ACOXL: variants seen among roughly 807,000 people sequenced by gnomAD.
ACOXL encodes acyl-CoA oxidase like, also known as acyl-coenzyme A oxidase-like protein.
ACOXL carries 70 observed loss-of-function variants against 71.9 expected under a neutral mutation model. That is an observed-to-expected ratio of 0.97 (90% CI 0.80 to 1.19). The LOEUF (loss-of-function observed/expected upper bound fraction) is 1.19, where lower values mean the gene tolerates loss of function less well. ACOXL is among the 50% of genes most tolerant of loss of function. The pLI, the probability that ACOXL is intolerant of heterozygous loss-of-function variation, is 0.00. For missense variants in ACOXL, 703 were observed against 736.3 expected (o/e 0.95, Z 0.52); for synonymous variants, 253 against 281.6 (o/e 0.90, Z 1.02).
intron 9 of ACOXL, among the ~76,000 whole-genome samples, chr2:110,823,584 A>G (rs1320968600): frequency 6.6e-6 from 1 of 152,206 alleles, no homozygotes; most frequent in Non-Finnish European, 1.5e-5. Flanking sequence ...TTCACCAGCA[A>G]TTAATGAGAG....
chr2:111,097,140 T>A lies in ACOXL; in HGVS notation c.1542+4174T>A, dbSNP rs72836337. On this transcript the variant is annotated intron_variant, in intron 17 of 17. Coordinates refer to ENST00000439055, the MANE Select transcript of ACOXL (RefSeq NM_001142807.4). ...TCTGGGTTCCCATTTTCCTATAAATTTTGGCTTTATTGTTTTGTCAGATCA... is the reference window on the plus strand; with the variant it reads ...TCTGGGTTCCCATTTTCCTATAAATATTGGCTTTATTGTTTTGTCAGATCA... Among the ~76,000 whole-genome samples the A allele has an allele frequency of 3.1e-3, 468 of 152,320 alleles. 3 individuals are homozygous for A. The highest frequency in any genetic ancestry group is 5.6e-3 in the Non-Finnish European group (379 of 68,030).
Position 110,864,079 on chromosome 2 carries a change from G to A in ACOXL, c.788+22674G>A, listed in dbSNP as rs187143995. ...ACACTATGCTTAGAAGAGCCCCTGA[G>A]TATATATACCCTGTTGACTCTGCAC... On this transcript the variant is annotated intron_variant, in intron 10 of 17. Coordinates refer to ENST00000439055, the MANE Select transcript of ACOXL (RefSeq NM_001142807.4). 5.3e-5 allele frequency among the ~76,000 whole-genome samples: 8 copies of A among 152,054 alleles called. No homozygotes were observed. In the East Asian group the frequency reaches 1.4e-3, roughly 26 times the overall value.
intron 10 of ACOXL, among the ~76,000 whole-genome samples, chr2:110,842,128 CG>C (rs2105761165): frequency 6.6e-6 from 1 of 152,208 alleles, no homozygotes; most frequent in Admixed American, 6.5e-5. Context: ...CACCTGATTT[CG>C]AAAGAAGTTT....
Position 110,738,141 on chromosome 2 carries a change from T to C in ACOXL, c.-23+5367T>C, listed in dbSNP as rs1368174540. Reference sequence around the variant, plus strand: ...ATTGCTATGAGGAAGTCCAAGCTGATGCCTGTTGAGAGGCTGCATAGAGAG... The same window carrying C: ...ATTGCTATGAGGAAGTCCAAGCTGACGCCTGTTGAGAGGCTGCATAGAGAG... On this transcript the variant is annotated intron_variant, in intron 1 of 17. Coordinates refer to ENST00000439055, the MANE Select transcript of ACOXL (RefSeq NM_001142807.4). 2.0e-5 allele frequency among the ~76,000 whole-genome samples: 3 copies of C among 152,334 alleles called. No homozygotes were observed. In the South Asian group the frequency reaches 6.2e-4, roughly 32 times the overall value.
At chr2:110,739,604 T>A (rs752364436) in intron 1 of ACOXL, among the ~76,000 whole-genome samples, 4 of 152,246 alleles carry the variant, frequency 2.6e-5, no homozygotes, top group Non-Finnish European at 5.9e-5. Context: ...GGCTCCAGTG[T>A]TCCCCATGTG....
At chr2:110,753,427 G>A (rs1265422499) in intron 1 of ACOXL, among the ~76,000 whole-genome samples, 1 of 152,146 alleles carries the variant, frequency 6.6e-6, no homozygotes, top group Non-Finnish European at 1.5e-5. Context: ...CTCTCCAGGT[G>A]GACTATTTAT....
chr2:110,801,015 T>G (rs1301289257), intron 7 of ACOXL, among the ~76,000 whole-genome samples: 1 of 152,194 alleles, frequency 6.6e-6, no homozygotes, highest in East Asian at 1.9e-4. Flanking sequence ...TAAAGACAGA[T>G]TGTTTTCCCC....
chr2:110,933,383 A>G (rs1020044775), intron 11 of ACOXL, 106 bp from the exon 12 acceptor site: 3 of 1,345,604 alleles, frequency 2.2e-6, no homozygotes, highest in South Asian at 1.5e-5. Context: ...CACTGACATC[A>G]TATTCTTTCC....
At chr2:110,798,534 T>G in intron 5 of ACOXL, 76 bp from the exon 6 acceptor site, 2 of 1,191,516 alleles carry the variant, frequency 1.7e-6, no homozygotes, top group Non-Finnish European at 2.5e-6. Flanking sequence ...GGGATTACAG[T>G]ATTCATTGCT....
intron 9 of ACOXL, among the ~76,000 whole-genome samples, chr2:110,811,884 TAC>T (rs537174827): frequency 2.0e-5 from 3 of 152,094 alleles, no homozygotes; most frequent in South Asian, 4.1e-4. Flanking sequence ...ATCTGTGAAA[TAC>T]ACAGATTGTT....
chr2:110,919,584 G>A (rs1467051603), intron 11 of ACOXL, among the ~76,000 whole-genome samples: 3 of 151,946 alleles, frequency 2.0e-5, no homozygotes, highest in African/African-American at 4.8e-5. Flanking sequence ...CACACTTTGT[G>A]TTGTATGGTT....
intron 14 of ACOXL, among the ~76,000 whole-genome samples, chr2:111,030,783 CAAAG>C (rs1042275705): frequency 1.1e-4 from 16 of 151,258 alleles, no homozygotes; most frequent in African/African-American, 3.4e-4. Context: ...GTTTTCGAAA[CAAAG>C]AAAGTCAAGA....
At chr2:110,803,122 A>C (rs1176168443) in intron 8 of ACOXL, among the ~76,000 whole-genome samples, 2 of 152,228 alleles carry the variant, frequency 1.3e-5, no homozygotes, top group African/African-American at 4.8e-5. Context: ...AAACAATAAA[A>C]GCATCTTCAC....
intron 14 of ACOXL, among the ~76,000 whole-genome samples, chr2:111,008,570 G>A (rs1038203682): frequency 1.2e-4 from 18 of 152,214 alleles, no homozygotes; most frequent in Middle Eastern, 3.4e-3. Context: ...TACAAACAAC[G>A]TTACAGTGAA....
intron 10 of ACOXL, among the ~76,000 whole-genome samples, chr2:110,854,685 G>T (rs1402581795): frequency 6.6e-6 from 1 of 152,188 alleles, no homozygotes; most frequent in Admixed American, 6.5e-5. Flanking sequence ...TGTGGCAGAG[G>T]CCATTGAGGG....
chr2:110,777,198 G>T (rs1382638869), intron 2 of ACOXL, among the ~76,000 whole-genome samples: 2 of 152,138 alleles, frequency 1.3e-5, no homozygotes, highest in South Asian at 2.1e-4. Context: ...TCAACATAGA[G>T]ATGAATTTAG....
intron 12 of ACOXL, among the ~76,000 whole-genome samples, chr2:110,984,466 C>T (rs2062845441): frequency 6.6e-6 from 1 of 152,066 alleles, no homozygotes; most frequent in Non-Finnish European, 1.5e-5. Flanking sequence ...TGGCTTCAAT[C>T]ACTTAATCTT....
At chr2:110,897,088 G>T (rs952551027) in intron 10 of ACOXL, among the ~76,000 whole-genome samples, 1 of 151,870 alleles carries the variant, frequency 6.6e-6, no homozygotes, top group South Asian at 2.1e-4. Context: ...AGGAAAACTC[G>T]CCATCACTTC....
intron 12 of ACOXL, among the ~76,000 whole-genome samples, chr2:110,976,786 A>G (rs932691475): frequency 3.9e-5 from 6 of 152,182 alleles, no homozygotes; most frequent in Non-Finnish European, 8.8e-5. Flanking sequence ...TAGTGATATG[A>G]TGGAAAAGGC....
Sources: allele counts gnomAD v4.1 joint callset (sites outside exome capture counted in the v4.1 genomes callset), GRCh38; gene constraint gnomAD v4.1.1; transcripts MANE v1.5; gene names NCBI Gene and HGNC (gene_info 2026-07-23, HGNC 2026-07-21).